Variants in FRMD5 observed in about 807,000 individuals in gnomAD.
The protein encoded by FRMD5 is FERM domain containing 5, also known as FERM domain-containing protein 5.
FRMD5 carries 20 observed loss-of-function variants against 69.0 expected under a neutral mutation model. The observed-to-expected ratio is 0.29, with a 90% CI of 0.20 to 0.42. The LOEUF (loss-of-function observed/expected upper bound fraction) is 0.42. FRMD5 is among the 10% of genes least tolerant of loss of function. FRMD5 has a pLI of 1.00. For missense variants in FRMD5, 595 were observed against 708.6 expected (o/e 0.84, Z 1.82); for synonymous variants, 271 against 260.1 (o/e 1.04, Z -0.40).
intron 1 of FRMD5, among the ~76,000 whole-genome samples, chr15:44,102,640 T>C (rs557467628): frequency 2.0e-5 from 3 of 152,334 alleles, no homozygotes; most frequent in African/African-American, 7.2e-5. Flanking sequence ...CCAAGCAGAC[T>C]TTCATTCTGC....
intron 1 of FRMD5, among the ~76,000 whole-genome samples, chr15:44,060,718 T>C (rs937315657): frequency 5.9e-5 from 9 of 151,944 alleles, no homozygotes; most frequent in African/African-American, 2.2e-4. Flanking sequence ...GACGACTGCC[T>C]AAAAAAAGAA....
intron 1 of FRMD5, among the ~76,000 whole-genome samples, chr15:44,133,360 A>G (rs1489005749): frequency 6.6e-6 from 1 of 151,904 alleles, no homozygotes. Flanking sequence ...GCAGATCACA[A>G]GGTCAGGAGA....
At chr15:44,080,838 T>A (rs1893967191) in intron 1 of FRMD5, among the ~76,000 whole-genome samples, 1 of 152,128 alleles carries the variant, frequency 6.6e-6, no homozygotes, top group African/African-American at 2.4e-5. Context: ...CTGGTCTACC[T>A]AGATGTGAAA....
chr15:43,876,183 C>A, intron 13 of FRMD5: 4 of 1,598,944 alleles, frequency 2.5e-6, no homozygotes, highest in Non-Finnish European at 3.4e-6. Context: ...AGCACTGTCA[C>A]TCCCAGAGGC....
chr15:44,153,303 T>C (rs117584884), intron 1 of FRMD5, among the ~76,000 whole-genome samples: 2,418 of 152,342 alleles, frequency 0.016, 32 homozygotes, highest in Non-Finnish European at 0.024. Context: ...AGCTAAAATG[T>C]AGAGGCAACC....
intron 1 of FRMD5, among the ~76,000 whole-genome samples, chr15:43,971,227 T>C (rs2090371425): frequency 6.6e-6 from 1 of 151,172 alleles, no homozygotes; most frequent in Non-Finnish European, 1.5e-5. Context: ...TGACAGAGTA[T>C]GACTCCACCT....
intron 1 of FRMD5, among the ~76,000 whole-genome samples, chr15:43,925,247 T>C (rs945274637): frequency 6.6e-6 from 1 of 152,140 alleles, no homozygotes; most frequent in Non-Finnish European, 1.5e-5. Flanking sequence ...TTAGGTGATC[T>C]GCCTGCCTCG....
intron 1 of FRMD5, among the ~76,000 whole-genome samples, chr15:44,120,657 G>C (rs1807974): frequency 0.83 from 125,059 of 151,052 alleles, 54,422 homozygotes; most frequent in Non-Finnish European, 0.95. Context: ...CAAACAGCTG[G>C]GACTACAGGC....
At chr15:44,089,529 C>A (rs1429150071) in intron 1 of FRMD5, among the ~76,000 whole-genome samples, 1 of 151,896 alleles carries the variant, frequency 6.6e-6, no homozygotes, top group Non-Finnish European at 1.5e-5. Flanking sequence ...ATGGCAAAAC[C>A]CTGTCTCTAC....
At chr15:44,147,216 GTTT>G (rs1246512811) in intron 1 of FRMD5, among the ~76,000 whole-genome samples, 1 of 152,152 alleles carries the variant, frequency 6.6e-6, no homozygotes, top group East Asian at 1.9e-4. Context: ...TGGCTAGCCA[GTTT>G]TCCCAGCACC....
chr15:43,881,950 A>G (rs1243373132), intron 13 of FRMD5, among the ~76,000 whole-genome samples: 2 of 152,238 alleles, frequency 1.3e-5, no homozygotes, highest in East Asian at 3.8e-4. Flanking sequence ...GCATTCTTAC[A>G]GAAAGGACAA....
intron 1 of FRMD5, among the ~76,000 whole-genome samples, chr15:43,993,987 T>C (rs918278168): frequency 3.9e-5 from 6 of 152,350 alleles, no homozygotes; most frequent in African/African-American, 1.4e-4. Context: ...GAAATGAGTG[T>C]CTTGTAGGAA....
chr15:43,919,400 C>A (rs1373344819), intron 4 of FRMD5, 59 bp downstream of exon 4: 31 of 1,444,490 alleles, frequency 2.1e-5, no homozygotes, highest in Non-Finnish European at 2.8e-5. Flanking sequence ...AGGTCACCAT[C>A]CCCCTTTCCT....
chr15:43,899,476 A>G (rs1490995628), intron 7 of FRMD5, among the ~76,000 whole-genome samples: 2 of 152,152 alleles, frequency 1.3e-5, no homozygotes, highest in Admixed American at 1.3e-4. Context: ...TTCTTGCTCT[A>G]CCGCTGAGGG....
At chr15:43,994,974 TTCTC>T (rs1194289840) in intron 1 of FRMD5, among the ~76,000 whole-genome samples, 2 of 152,178 alleles carry the variant, frequency 1.3e-5, no homozygotes, top group African/African-American at 2.4e-5. Context: ...GAGAAAGCCT[TTCTC>T]TCTCCTTCAT....
Position 43,874,166 on chromosome 15 carries a change from C to CT in FRMD5, c.1431dup (p.Glu478ArgfsTer19). On this transcript the variant is annotated frameshift_variant, in exon 14 of 14. Transcript: ENST00000417257. LOFTEE classifies it high-confidence loss of function. Reference sequence around the variant, plus strand: ...TGCCCCTGACACAGGGCCCTCAGCTCTCCCCCAAGGGCCTCCACCTCTGTA... The same window carrying CT: ...TGCCCCTGACACAGGGCCCTCAGCTCTTCCCCCAAGGGCCTCCACCTCTGTA... The CT allele has an allele frequency of 6.2e-7, 1 of 1,614,244 alleles. No homozygotes were observed. The highest frequency in any genetic ancestry group is 8.5e-7 in the Non-Finnish European group (1 of 1,180,044).
At chr15:43,941,238 T>A (rs901453321) in intron 1 of FRMD5, among the ~76,000 whole-genome samples, 1 of 152,088 alleles carries the variant, frequency 6.6e-6, no homozygotes, top group African/African-American at 2.4e-5. Context: ...TGTGGTAACG[T>A]GTGCCTGTAG....
chr15:44,013,070 G>A (rs1890796909), intron 1 of FRMD5, among the ~76,000 whole-genome samples: 1 of 151,992 alleles, frequency 6.6e-6, no homozygotes, highest in South Asian at 2.1e-4. Flanking sequence ...CCCGCCTATT[G>A]TATCTTAAAA....
At chr15:44,006,693 A>G (rs1325768161) in intron 1 of FRMD5, among the ~76,000 whole-genome samples, 1 of 152,196 alleles carries the variant, frequency 6.6e-6, no homozygotes, top group Non-Finnish European at 1.5e-5. Flanking sequence ...AAGTAACTGC[A>G]GATGTGGTAG....
Sources: gnomAD v4.1 joint callset for allele counts (sites outside exome capture counted in the v4.1 genomes callset) on GRCh38, gnomAD v4.1.1 for gene constraint, MANE v1.5 for transcripts, NCBI Gene and HGNC (gene_info 2026-07-23, HGNC 2026-07-21) for gene names.